The following ZNF827 variants were observed in gnomAD, a reference collection of about 807,000 sequenced individuals.
ZNF827 encodes zinc finger protein 827.
A neutral mutation model predicts 102.4 loss-of-function variants in ZNF827; 13 were observed. The ratio of observed to expected loss-of-function variants is 0.13; its 90% CI spans 0.08 to 0.20. The LOEUF (loss-of-function observed/expected upper bound fraction) is 0.20. Ranked by LOEUF, ZNF827 falls within the 10% of genes least tolerant of loss-of-function variation. The pLI, the probability that ZNF827 is intolerant of heterozygous loss-of-function variation, is 1.00. For synonymous variants in ZNF827, 523 were observed against 536.2 expected, an observed-to-expected ratio of 0.98 and a Z score of 0.34; for missense variants, 1,103 against 1,344.4, an observed-to-expected ratio of 0.82 and a Z score of 2.81.
intron 4 of ZNF827, 24 bp downstream of exon 4, chr4:145,885,651 AGAG>A: frequency 6.9e-7 from 1 of 1,458,664 alleles, no homozygotes; most frequent in Non-Finnish European, 9.1e-7. Flanking sequence ...AGAGAGAGAG[AGAG>A]AGAATACAAC....
rs1158843138 is a variant in ZNF827 at position 145,761,211 on chromosome 4, G to A, written c.*405C>T. On this transcript the variant is annotated 3_prime_UTR_variant, in exon 15 of 15. Coordinates refer to ENST00000508784, the MANE Select transcript of ZNF827 (RefSeq NM_001306215.2). This position sits in a 1 kb window ranked among gnomAD's most constrained non-coding sequence, Gnocchi z 6.8. ...AGTCCCCACTCTGGTGCTTCTTGACGTGGCGGCTGAAGACGAAAGGGTGTG... is the reference window on the plus strand; with the variant it reads ...AGTCCCCACTCTGGTGCTTCTTGACATGGCGGCTGAAGACGAAAGGGTGTG... The A allele has an allele frequency of 3.9e-6, 5 of 1,289,744 alleles. No individual in the cohort carries two copies. Among genetic ancestry groups the A allele is most frequent in the Admixed American group, 2.3e-5 (1 of 43,556 alleles). The allele number at this position is 1,289,744 out of a possible 1,614,324, so 79.9% of individuals were successfully genotyped here. A position where few individuals can be genotyped will look rare whatever the true frequency, so the allele number is the denominator to read the frequency against.
intron 8 of ZNF827, among the ~76,000 whole-genome samples, chr4:145,796,984 T>C (rs1418474077): frequency 2.0e-5 from 3 of 152,124 alleles, no homozygotes; most frequent in Admixed American, 1.3e-4. Context: ...ATTTCATAGA[T>C]ACCAAAGGGA....
chr4:145,776,730 G>A (rs978792431), intron 9 of ZNF827, among the ~76,000 whole-genome samples: 27 of 152,110 alleles, frequency 1.8e-4, no homozygotes, highest in Non-Finnish European at 1.6e-4. Context: ...TTTTCCCTAA[G>A]CTCCTGGCCT....
At chr4:145,821,862 C>G (rs1042095388) in intron 8 of ZNF827, among the ~76,000 whole-genome samples, 1 of 152,068 alleles carries the variant, frequency 6.6e-6, no homozygotes, top group African/African-American at 2.4e-5. Flanking sequence ...TTAACTTGAC[C>G]AATAAACCCT....
At chr4:145,855,909 T>C (rs1343398047) in intron 5 of ZNF827, among the ~76,000 whole-genome samples, 2 of 152,160 alleles carry the variant, frequency 1.3e-5, no homozygotes, top group African/African-American at 4.8e-5. Context: ...AGATGCTGAA[T>C]GTTATTCTCT....
intron 2 of ZNF827, among the ~76,000 whole-genome samples, chr4:145,896,793 A>G (rs1751004888): frequency 6.6e-6 from 1 of 152,244 alleles, no homozygotes; most frequent in African/African-American, 2.4e-5. Context: ...AGCAGCTTAT[A>G]TTAAAAATGC....
chr4:145,907,007 G>A, intron 1 of ZNF827: 1 of 452,818 alleles, frequency 2.2e-6, no homozygotes, highest in Non-Finnish European at 4.4e-6. Context: ...GGCATAGAAA[G>A]AGAAAGAGCA....
chr4:145,824,277 C>CT (rs1370866793), intron 7 of ZNF827, among the ~76,000 whole-genome samples: 1 of 152,162 alleles, frequency 6.6e-6, no homozygotes, highest in Non-Finnish European at 1.5e-5. Context: ...TTAGAGAACT[C>CT]TAACTCGGTC....
In ZNF827 at chr4:145,761,524, T is replaced by A. The variant is rs1389354323; in HGVS notation, c.*92A>T. The A allele has an allele frequency of 7.8e-7, 1 of 1,289,480 alleles. No homozygotes were observed. The highest frequency in any genetic ancestry group is 1.0e-6 in the Non-Finnish European group (1 of 988,726). 79.9% of individuals were successfully genotyped at this position (1,289,480 alleles called of 1,614,324 possible). Reference sequence around the variant, plus strand: ...CGTCTGGCAGATCCGGCACTTGTACTCCATCTTGTAGTGGGTCTTGAGGTG... The same window carrying A: ...CGTCTGGCAGATCCGGCACTTGTACACCATCTTGTAGTGGGTCTTGAGGTG... On this transcript the variant is annotated 3_prime_UTR_variant, in exon 15 of 15. Transcript: ENST00000508784. The surrounding 1 kb of genome is among the most constrained non-coding windows in gnomAD (Gnocchi z 6.8).
At chr4:145,844,566 G>GCCTC (rs1745736133) in intron 7 of ZNF827, among the ~76,000 whole-genome samples, 17 of 151,710 alleles carry the variant, frequency 1.1e-4, no homozygotes, top group Non-Finnish European at 5.9e-5. Context: ...TGTAGTTCCA[G>GCCTC]CTACTCGGGA....
chr4:145,853,260 G>A (rs909014304), intron 5 of ZNF827, among the ~76,000 whole-genome samples: 5 of 152,242 alleles, frequency 3.3e-5, no homozygotes, highest in Non-Finnish European at 5.9e-5. Flanking sequence ...ACATAACAAC[G>A]GTTGAATTAA....
In ZNF827 at chr4:145,772,479, C is replaced by T. The variant is rs141244351; in HGVS notation, c.2860+2027G>A. On this transcript the variant is annotated intron_variant, in intron 11 of 14. Transcript: ENST00000508784. The stretch of plus-strand genomic sequence containing the variant: ...GAGACCATTAGCTTATAATGGGGGT[C>T]AGCAAACTACAGTCCTTGGGCTCAA... Among the ~76,000 whole-genome samples the T allele has an allele frequency of 1.8e-4, 28 of 152,258 alleles. No homozygotes were observed. In the East Asian group the frequency reaches 3.1e-3, roughly 17 times the overall value.
intron 4 of ZNF827, among the ~76,000 whole-genome samples, chr4:145,881,528 T>C (rs1298803683): frequency 6.6e-6 from 1 of 152,212 alleles, no homozygotes; most frequent in Non-Finnish European, 1.5e-5. Context: ...GAATTAAATT[T>C]TATATCTTGA....
intron 7 of ZNF827, among the ~76,000 whole-genome samples, chr4:145,845,063 T>C (rs1016095362): frequency 2.0e-5 from 3 of 152,226 alleles, no homozygotes; most frequent in Non-Finnish European, 4.4e-5. Context: ...TAGTTGTTCA[T>C]CCTAAAAATG....
At chr4:145,894,111 T>G (rs1750804328) in intron 2 of ZNF827, among the ~76,000 whole-genome samples, 1 of 152,242 alleles carries the variant, frequency 6.6e-6, no homozygotes, top group African/African-American at 2.4e-5. Context: ...TGTGGTTATT[T>G]TTTTAAGTCC....
intron 4 of ZNF827, among the ~76,000 whole-genome samples, chr4:145,883,418 G>C (rs745834118): frequency 6.6e-6 from 1 of 152,184 alleles, no homozygotes; most frequent in African/African-American, 2.4e-5. Context: ...TGAAAACACA[G>C]ATCACAATAT....
At chr4:145,823,678 G>A (rs979002506) in intron 7 of ZNF827, among the ~76,000 whole-genome samples, 153 bp from the exon 8 acceptor site, 4 of 152,182 alleles carry the variant, frequency 2.6e-5, no homozygotes, top group African/African-American at 9.7e-5. Context: ...TGCTTAAAAT[G>A]GAGAAAAAGA....
At chr4:145,794,909 G>T (rs536133450) in intron 8 of ZNF827, among the ~76,000 whole-genome samples, 9 of 152,168 alleles carry the variant, frequency 5.9e-5, no homozygotes, top group Non-Finnish European at 1.0e-4. Flanking sequence ...CAAAGACAGG[G>T]CTTTCAAGCA....
chr4:145,929,020 T>G (rs933084774), intron 1 of ZNF827, among the ~76,000 whole-genome samples: 1 of 152,204 alleles, frequency 6.6e-6, no homozygotes, highest in East Asian at 1.9e-4. Context: ...AGCTGGAAAT[T>G]TGGATTTTTA....
Sources: allele counts gnomAD v4.1 joint callset (sites outside exome capture counted in the v4.1 genomes callset), GRCh38; gene constraint gnomAD v4.1.1; non-coding constraint Gnocchi (gnomAD v3.1); transcripts MANE v1.5; gene names NCBI Gene and HGNC (gene_info 2026-07-23, HGNC 2026-07-21).